Variants in POC1A observed in about 807,000 individuals in gnomAD.
The protein encoded by POC1A is POC1 centriolar protein homolog A.
Under a neutral mutation model 47.8 loss-of-function variants are expected in POC1A, and 34 were observed. The observed-to-expected ratio is 0.71, with a 90% CI of 0.54 to 0.95. The LOEUF (loss-of-function observed/expected upper bound fraction) is 0.95. POC1A is among the 40% of genes least tolerant of loss of function. The pLI is 0.00. For synonymous variants in POC1A, 177 were observed against 207.6 expected (o/e 0.85, Z 1.27); for missense variants, 466 against 528.3 (o/e 0.88, Z 1.16).
chr3:52,091,233 G>A (rs1439180593), intron 10 of POC1A, among the ~76,000 whole-genome samples: 1 of 152,134 alleles, frequency 6.6e-6, no homozygotes, highest in Non-Finnish European at 1.5e-5. Context: ...GGAGAGGCGT[G>A]CGATCTCTCA....
In POC1A at chr3:52,097,345, A is replaced by G. The variant is rs532765235; in HGVS notation, c.982-633T>C. 7.2e-5 allele frequency among the ~76,000 whole-genome samples: 11 copies of G among 152,332 alleles called. No individual in the cohort carries two copies. In the East Asian group the frequency reaches 2.1e-3, roughly 29 times the overall value. On this transcript the variant is annotated intron_variant, in intron 9 of 10. Coordinates refer to ENST00000296484, the MANE Select transcript of POC1A (RefSeq NM_015426.5). Reference sequence around the variant, plus strand: ...CCAGGCTGGCACATGGCTGGCAGGAATCAGACTCCACAGGAAAGGCACCCC... The same window carrying G: ...CCAGGCTGGCACATGGCTGGCAGGAGTCAGACTCCACAGGAAAGGCACCCC...
At chr3:52,150,426 T>C (rs1363919209) in intron 2 of POC1A, among the ~76,000 whole-genome samples, 1 of 152,182 alleles carries the variant, frequency 6.6e-6, no homozygotes, top group African/African-American at 2.4e-5. Flanking sequence ...ATCACTTCAG[T>C]TCCCTCTTAA....
At chr3:52,141,571 T>C (rs1698195220) in intron 6 of POC1A, among the ~76,000 whole-genome samples, 1 of 152,198 alleles carries the variant, frequency 6.6e-6, no homozygotes, top group Admixed American at 6.5e-5. Flanking sequence ...AAATGCTCAC[T>C]TCAGGACAGT....
At chr3:52,127,933 T>C (rs906303824) in intron 7 of POC1A, among the ~76,000 whole-genome samples, 1 of 152,158 alleles carries the variant, frequency 6.6e-6, no homozygotes, top group African/African-American at 2.4e-5. Context: ...TGGCCTCAAG[T>C]GATCCACCCT....
chr3:52,125,014 G>A, intron 8 of POC1A, 99 bp downstream of exon 8: 1 of 935,490 alleles, frequency 1.1e-6, no homozygotes, highest in Non-Finnish European at 1.7e-6. Flanking sequence ...AAGGAAGCTG[G>A]CGAAACCCAG....
chr3:52,142,876 G>A (rs1308716457), intron 6 of POC1A, among the ~76,000 whole-genome samples: 1 of 152,074 alleles, frequency 6.6e-6, no homozygotes, highest in Non-Finnish European at 1.5e-5. Context: ...AAGGTTTTCT[G>A]GGGAGCCCCA....
chr3:52,095,513 C>T (rs1702785929), intron 10 of POC1A, among the ~76,000 whole-genome samples: 1 of 152,198 alleles, frequency 6.6e-6, no homozygotes, highest in Non-Finnish European at 1.5e-5. Flanking sequence ...GACCACTCTT[C>T]CTTGCTTCCC....
chr3:52,085,526 C>G (rs771040140), intron 10 of POC1A, among the ~76,000 whole-genome samples: 3 of 152,218 alleles, frequency 2.0e-5, no homozygotes, highest in Non-Finnish European at 2.9e-5. Flanking sequence ...TGCCCAACCC[C>G]GCCCACCTGA....
rs565321788 is a variant in POC1A, at chr3:52,149,881, A to G, written c.210T>C (p.Ser70=). 3.7e-6 allele frequency: 6 copies of G among 1,614,000 alleles called. No homozygotes were observed. The highest frequency in any genetic ancestry group is 2.2e-5 in the South Asian group (2 of 91,084). Residue 70 remains serine (S), a synonymous_variant, in exon 3 of 11, where the codon TCT becomes TCC. Transcript: ENST00000296484. ...HKDAVTCVNF[S]PSGHLLASGS... Reference sequence around the variant, plus strand: ...CGGAAGCAAGCAGGTGTCCCGAAGGAGAGAAGTTCACACAGGTGACGGCAT... The same window carrying G: ...CGGAAGCAAGCAGGTGTCCCGAAGGGGAGAAGTTCACACAGGTGACGGCAT...
chr3:52,153,668 C>T (rs1348772051), intron 1 of POC1A, among the ~76,000 whole-genome samples: 1 of 152,250 alleles, frequency 6.6e-6, no homozygotes. Context: ...TAGTTCCCTG[C>T]ATGTGGGCCT....
At position 52,078,372 on chromosome 3, in the gene POC1A, T is replaced by TA. The variant is rs59924607; in HGVS notation, c.1126-2388dup. Among the ~76,000 whole-genome samples the TA allele has an allele frequency of 5.8e-3, 840 of 145,952 alleles. 8 individuals carry two copies. Among genetic ancestry groups the TA allele is most frequent in the African/African-American group, 0.019 (742 of 40,026 alleles). On this transcript the variant is annotated intron_variant, in intron 10 of 10. Transcript: ENST00000296484. ...TCTGGCACTCTTTGCTCCATGTAGTTAAAAAAAAAAAATCCTACTTTCTTA... is the reference window on the plus strand; with the variant it reads ...TCTGGCACTCTTTGCTCCATGTAGTTAAAAAAAAAAAAATCCTACTTTCTTA...
intron 6 of POC1A, among the ~76,000 whole-genome samples, chr3:52,140,361 C>T (rs118049940): frequency 6.6e-6 from 1 of 152,042 alleles, no homozygotes; most frequent in East Asian, 1.9e-4. Context: ...AATTCAGAGA[C>T]CCCCCCACCA....
At chr3:52,138,744 C>T (rs1055583451) in intron 6 of POC1A, among the ~76,000 whole-genome samples, 2 of 152,174 alleles carry the variant, frequency 1.3e-5, no homozygotes, top group Admixed American at 6.5e-5. Flanking sequence ...ACAGGAAGGA[C>T]GTGTGTGGGG....
At chr3:52,099,247 A>C (rs1053838036) in intron 9 of POC1A, among the ~76,000 whole-genome samples, 5 of 152,172 alleles carry the variant, frequency 3.3e-5, no homozygotes, top group Admixed American at 6.5e-5. Context: ...AATCCTCCCC[A>C]ATGTCTGCAC....
chr3:52,076,757 T>G (rs1043579472), intron 10 of POC1A, among the ~76,000 whole-genome samples: 12 of 152,256 alleles, frequency 7.9e-5, no homozygotes, highest in African/African-American at 2.7e-4. Flanking sequence ...AGGCAGATCA[T>G]GCTGCCTTCC....
Position 52,126,173 on chromosome 3 carries a change from G to A in POC1A, c.814-992C>T, listed in dbSNP as rs534970386. The stretch of plus-strand genomic sequence containing the variant: ...CAGTCCCCCCAGACCAGTGCAGGGA[G>A]CGGCAAGAGCCCCAACTGCCCATGA... On this transcript the variant is annotated intron_variant, in intron 7 of 10. Transcript: ENST00000296484. Among the ~76,000 whole-genome samples the A allele has an allele frequency of 3.2e-4, 49 of 152,348 alleles. No individual in the cohort carries two copies. The South Asian group carries it at 9.5e-3, about 30-fold the overall frequency.
chr3:52,096,678 C>CCT lies in POC1A; in HGVS notation c.1014_1015dup (p.Gly339GlufsTer16). On this transcript the variant is annotated frameshift_variant, in exon 10 of 11. Transcript: ENST00000296484. LOFTEE classifies it high-confidence loss of function. ...GCTCTGCACAGACTCCACACTCCTG[C>CCT]CTCTGCCTGGGGGGACAGGGAAGTC... is the stretch of plus-strand genomic sequence containing the variant. The CCT allele has an allele frequency of 6.2e-7, 1 of 1,606,950 alleles. No individual in the cohort carries two copies. Among genetic ancestry groups the CCT allele is most frequent in the Non-Finnish European group, 8.5e-7 (1 of 1,177,148 alleles).
At chr3:52,108,282 A>T (rs1167862900) in intron 9 of POC1A, among the ~76,000 whole-genome samples, 1 of 152,178 alleles carries the variant, frequency 6.6e-6, no homozygotes, top group African/African-American at 2.4e-5. Context: ...TTGAAAGGGA[A>T]TGTGTTGCTG....
chr3:52,084,374 A>G lies in POC1A; in HGVS notation c.1126-8389T>C, dbSNP rs1702391482. Among the ~76,000 whole-genome samples the G allele has an allele frequency of 6.6e-6, 1 of 152,112 alleles. No homozygotes were observed. The highest frequency in any genetic ancestry group is 2.1e-4 in the South Asian group (1 of 4,830). On this transcript the variant is annotated intron_variant, in intron 10 of 10. Transcript: ENST00000296484. This position sits in a 1 kb window ranked among gnomAD's most constrained non-coding sequence, Gnocchi z 4.3. ...AGCCGTAACTTCTCCAAAACTGAGG[A>G]GTTGTGGGACACTCACGACCCGCCT...
Sources: gnomAD v4.1 joint callset for allele counts (sites outside exome capture counted in the v4.1 genomes callset) on GRCh38, gnomAD v4.1.1 for gene constraint, Gnocchi (gnomAD v3.1) non-coding constraint, MANE v1.5 for transcripts, NCBI Gene and HGNC (gene_info 2026-07-23, HGNC 2026-07-21) for gene names.